The following NEURL1 variants were observed in gnomAD, a reference collection of about 807,000 sequenced individuals.
The protein encoded by NEURL1 is E3 ubiquitin-protein ligase NEURL1.
Under a neutral mutation model 41.2 loss-of-function variants are expected in NEURL1, and 26 were observed. The observed-to-expected ratio is 0.63, with a 90% CI of 0.46 to 0.87. NEURL1 has a LOEUF of 0.87. NEURL1 is among the 40% of genes least tolerant of loss of function. NEURL1 has a pLI of 0.00. For synonymous variants in NEURL1, 400 were observed against 402.3 expected (o/e 0.99, Z 0.07); for missense variants, 761 against 871.1 (o/e 0.87, Z 1.59).
intron 1 of NEURL1, among the ~76,000 whole-genome samples, chr10:103,535,040 G>A (rs927079328): frequency 6.6e-6 from 1 of 152,160 alleles, no homozygotes; most frequent in Admixed American, 6.5e-5. Flanking sequence ...AGGAACTTGA[G>A]CCAATAGGGT....
intron 1 of NEURL1, among the ~76,000 whole-genome samples, chr10:103,501,725 C>T (rs986130297): frequency 6.6e-5 from 10 of 151,732 alleles, no homozygotes; most frequent in Non-Finnish European, 1.3e-4. Context: ...CTCTGCCTCC[C>T]GGGTTCAAGT....
At chr10:103,526,801 C>A (rs747611255) in intron 1 of NEURL1, among the ~76,000 whole-genome samples, 1 of 152,246 alleles carries the variant, frequency 6.6e-6, no homozygotes, top group African/African-American at 2.4e-5. Context: ...TGAGCCACCA[C>A]GCTGGCTGGT....
chr10:103,574,079 A>G (rs541450121), intron 3 of NEURL1, among the ~76,000 whole-genome samples: 3 of 148,496 alleles, frequency 2.0e-5, no homozygotes, highest in Non-Finnish European at 4.5e-5. Context: ...TTTGCAGGGT[A>G]GGTAGGGGAG....
At position 103,495,690 on chromosome 10, in the gene NEURL1, G is replaced by A. The variant is rs180841058; in HGVS notation, c.85+1218G>A. Among the ~76,000 whole-genome samples the A allele has an allele frequency of 1.7e-3, 262 of 152,334 alleles. 4 individuals are homozygous for A. Among genetic ancestry groups the A allele is most frequent in the East Asian group, 1.3e-3 (7 of 5,188 alleles). On this transcript the variant is annotated intron_variant, in intron 1 of 5. Coordinates refer to ENST00000369780, the MANE Select transcript of NEURL1 (RefSeq NM_004210.5). The stretch of plus-strand genomic sequence containing the variant: ...GAAGAGGAGGAGAGATAGGACCACT[G>A]TCCTGCATTCTAATACTCCAGCTCT...
At chr10:103,515,773 T>A (rs1592188094) in intron 1 of NEURL1, among the ~76,000 whole-genome samples, 1 of 152,190 alleles carries the variant, frequency 6.6e-6, no homozygotes, top group East Asian at 1.9e-4. Context: ...AGATTTGCTT[T>A]TTGGAAAGAT....
Position 103,589,531 on chromosome 10 carries a change from G to A in NEURL1, c.1357G>A (p.Glu453Lys), listed in dbSNP as rs753290267. Residue 453 changes from glutamate to lysine, a missense_variant, in exon 5 of 6, where the codon GAG becomes AAG. Transcript: ENST00000369780. The part of the protein sequence containing the change: ...IRILGSTILA[E>K]RGIPSLPCSP... ...TTTCACAGGCTCCACTATCCTGGCC[G>A]AGCGGGGTATCCCATCACTCCCCTG... 1.7e-5 allele frequency: 27 copies of A among 1,611,592 alleles called. No homozygotes were observed. Among genetic ancestry groups the A allele is most frequent in the Admixed American group, 3.3e-5 (2 of 59,790 alleles).
chr10:103,571,171 C>T (rs938981427), intron 2 of NEURL1, 58 bp downstream of exon 2: 9 of 1,555,662 alleles, frequency 5.8e-6, no homozygotes, highest in Non-Finnish European at 7.9e-6. Context: ...CTCATGGCAT[C>T]CCCTGGGCCT....
At chr10:103,496,520 T>G (rs1215673659) in intron 1 of NEURL1, among the ~76,000 whole-genome samples, 1 of 152,198 alleles carries the variant, frequency 6.6e-6, no homozygotes, top group African/African-American at 2.4e-5. Context: ...TCATATGGGA[T>G]TGCATTTTTT....
intron 3 of NEURL1, among the ~76,000 whole-genome samples, chr10:103,580,837 C>A (rs545202409): frequency 1.3e-5 from 2 of 152,344 alleles, no homozygotes; most frequent in Non-Finnish European, 2.9e-5. Flanking sequence ...AAGGGATCCT[C>A]TTCCTACCCC....
chr10:103,580,161 T>C (rs2035756528), intron 3 of NEURL1, among the ~76,000 whole-genome samples: 1 of 151,892 alleles, frequency 6.6e-6, no homozygotes, highest in African/African-American at 2.4e-5. Context: ...GGTCTGCTTA[T>C]TTTTGCTCTG....
intron 1 of NEURL1, among the ~76,000 whole-genome samples, chr10:103,531,079 G>A (rs1302438396): frequency 2.0e-5 from 3 of 151,986 alleles, no homozygotes; most frequent in African/African-American, 7.2e-5. Flanking sequence ...AATTAGCCAG[G>A]TGTGGTGGTG....
intron 3 of NEURL1, among the ~76,000 whole-genome samples, chr10:103,572,545 T>C (rs1994837): frequency 0.57 from 87,362 of 152,124 alleles, 25,914 homozygotes; most frequent in African/African-American, 0.71. Context: ...CAGCCTGGCA[T>C]GCTCAGGGGC....
chr10:103,577,068 T>G (rs920926990), intron 3 of NEURL1, among the ~76,000 whole-genome samples: 17 of 152,196 alleles, frequency 1.1e-4, no homozygotes, highest in African/African-American at 3.9e-4. Flanking sequence ...AAATATTAGT[T>G]TAAGGAGCCT....
intron 1 of NEURL1, among the ~76,000 whole-genome samples, chr10:103,509,584 G>A (rs939625083): frequency 6.6e-6 from 1 of 152,192 alleles, no homozygotes; most frequent in African/African-American, 2.4e-5. Context: ...TTTCAGCTCC[G>A]TCATAATCTT....
intron 1 of NEURL1, among the ~76,000 whole-genome samples, chr10:103,565,329 G>A (rs1409602708): frequency 6.6e-6 from 1 of 152,214 alleles, no homozygotes; most frequent in Non-Finnish European, 1.5e-5. Flanking sequence ...AGTACAGACA[G>A]AAGGGGCTGA....
Position 103,516,396 on chromosome 10 carries a change from C to T in NEURL1, c.85+21924C>T, listed in dbSNP as rs748133175. ...TCCCATCAGGACCCCAAGCAGAAGG[C>T]GGGGGTTGGAGGGAAAGATGATAGG... On this transcript the variant is annotated intron_variant, in intron 1 of 5. Transcript: ENST00000369780. 3.3e-5 allele frequency among the ~76,000 whole-genome samples: 5 copies of T among 150,232 alleles called. No individual in the cohort carries two copies. In the East Asian group the frequency reaches 7.8e-4, roughly 23 times the overall value.
In NEURL1 at chr10:103,590,498, G is replaced by A. The variant is rs1258261279; in HGVS notation, c.*126G>A. The A allele has an allele frequency of 1.4e-6, 1 of 718,354 alleles. No homozygotes were observed. Among genetic ancestry groups the A allele is most frequent in the African/African-American group, 1.8e-5 (1 of 56,488 alleles). 44.5% of individuals were successfully genotyped at this position (718,354 alleles called of 1,614,324 possible). On this transcript the variant is annotated 3_prime_UTR_variant, in exon 6 of 6. Transcript: ENST00000369780. The stretch of plus-strand genomic sequence containing the variant: ...AAACTTTTCCTCCTCTATTAAACAT[G>A]GGAAACTGAAGCCCTTGAAGGTTTG...
intron 1 of NEURL1, among the ~76,000 whole-genome samples, chr10:103,541,645 C>A (rs2034822820): frequency 1.3e-5 from 2 of 152,124 alleles, no homozygotes; most frequent in Non-Finnish European, 2.9e-5. Context: ...AGTCAAGCGT[C>A]CACCCTGCAG....
intron 4 of NEURL1, among the ~76,000 whole-genome samples, chr10:103,588,052 C>T (rs2035958575): frequency 6.6e-6 from 1 of 152,064 alleles, no homozygotes; most frequent in African/African-American, 2.4e-5. Context: ...CACCTGTAAT[C>T]TCAGCACTTT....
Sources: allele counts gnomAD v4.1 joint callset (sites outside exome capture counted in the v4.1 genomes callset), GRCh38; gene constraint gnomAD v4.1.1; transcripts MANE v1.5; gene names NCBI Gene and HGNC (gene_info 2026-07-23, HGNC 2026-07-21).